The following RAB27A variants were observed in gnomAD, a reference collection of about 807,000 sequenced individuals.
RAB27A encodes ras-related protein Rab-27A.
In RAB27A, 17 loss-of-function variants were observed where a neutral mutation model predicts 20.8. The observed-to-expected ratio is 0.82, with a 90% CI of 0.56 to 1.23. The LOEUF is 1.23. Ranked by LOEUF, RAB27A falls within the 50% of genes most tolerant of loss-of-function variation. The pLI, the probability that RAB27A is intolerant of heterozygous loss-of-function variation, is 0.00. For missense variants in RAB27A, 277 were observed against 266.7 expected, an observed-to-expected ratio of 1.04 and a Z score of -0.27; for synonymous variants, 85 against 92.8, an observed-to-expected ratio of 0.92 and a Z score of 0.48.
chr15:55,298,250 C>T (rs1194855163), intron 2 of RAB27A, among the ~76,000 whole-genome samples: 2 of 151,300 alleles, frequency 1.3e-5, no homozygotes, highest in East Asian at 3.9e-4. Flanking sequence ...ATTGGGGAAC[C>T]TGCCCCGATA....
chr15:55,304,446 C>G (rs1422318195), intron 2 of RAB27A, among the ~76,000 whole-genome samples: 1 of 143,158 alleles, frequency 7.0e-6, no homozygotes, highest in African/African-American at 2.8e-5. Context: ...GAGAAACACC[C>G]AAGAATTATC....
intron 3 of RAB27A, among the ~76,000 whole-genome samples, chr15:55,234,157 C>A (rs528177233): frequency 7.9e-5 from 12 of 152,312 alleles, no homozygotes; most frequent in African/African-American, 2.9e-4. Flanking sequence ...AGAAAGCCAT[C>A]TTTCCTCATC....
intron 2 of RAB27A, among the ~76,000 whole-genome samples, chr15:55,304,855 T>A (rs1420380642): frequency 6.6e-6 from 1 of 151,738 alleles, no homozygotes; most frequent in Non-Finnish European, 1.5e-5. Flanking sequence ...ATATATGGTG[T>A]GTGTGTATTT....
intron 2 of RAB27A, among the ~76,000 whole-genome samples, chr15:55,310,049 C>T (rs2055013670): frequency 1.3e-5 from 2 of 152,018 alleles, no homozygotes; most frequent in South Asian, 4.1e-4. Flanking sequence ...AACGGGTGTT[C>T]CTTCTCCTAT....
chr15:55,203,728 G>A lies in RAB27A; in HGVS notation c.*1779C>T, dbSNP rs1566891073. On this transcript the variant is annotated 3_prime_UTR_variant, in exon 7 of 7. Coordinates refer to ENST00000336787, the MANE Select transcript of RAB27A (RefSeq NM_183235.3). ...TGAGCCACCGCGCCTGGCCAACCCTGCTCTTGAAATGTCTAAATCTTTTCC... is the reference window on the plus strand; with the variant it reads ...TGAGCCACCGCGCCTGGCCAACCCTACTCTTGAAATGTCTAAATCTTTTCC... 6.6e-6 allele frequency: 1 copy of A among 151,650 alleles called. No individual in the cohort carries two copies. Among genetic ancestry groups the A allele is most frequent in the Non-Finnish European group, 1.5e-5 (1 of 67,954 alleles). 9.4% of individuals were successfully genotyped at this position (151,650 alleles called of 1,614,324 possible).
chr15:55,302,695 T>C (rs2054977983), intron 2 of RAB27A, among the ~76,000 whole-genome samples: 1 of 109,158 alleles, frequency 9.2e-6, no homozygotes, highest in East Asian at 3.6e-4. Context: ...CCGCCCATCG[T>C]CTGAGATGTG....
At chr15:55,294,753 A>G (rs186493684), upstream of RAB27A, among the ~76,000 whole-genome samples, 14 of 152,248 alleles carry the variant, frequency 9.2e-5, no homozygotes, top group African/African-American at 2.9e-4. Context: ...ATAGGCATCA[A>G]TCTTTATGAC....
At chr15:55,215,208 C>T (rs1002487877) in intron 6 of RAB27A, among the ~76,000 whole-genome samples, 4 of 152,162 alleles carry the variant, frequency 2.6e-5, no homozygotes, top group Non-Finnish European at 5.9e-5. Flanking sequence ...CCAGAGTCTC[C>T]AGCCTCATTT....
chr15:55,271,322 T>C (rs547395240), intron 1 of RAB27A, among the ~76,000 whole-genome samples: 1 of 152,350 alleles, frequency 6.6e-6, no homozygotes, highest in South Asian at 2.1e-4. Context: ...TCTCAAACTG[T>C]GGTTCCAAGA....
rs1351707401 is a variant in RAB27A, at chr15:55,251,578, C to T, written c.-22-16622G>A. Among the ~76,000 whole-genome samples the T allele has an allele frequency of 6.6e-5, 10 of 152,198 alleles. No individual in the cohort carries two copies. In the East Asian group the frequency reaches 1.7e-3, roughly 26 times the overall value. ...GATTAGTCCTGATGGGCTCAAAAAT[C>T]TATATATGGATGAACCCTCAAAAGT... On this transcript the variant is annotated intron_variant, in intron 2 of 6. Coordinates refer to ENST00000336787, the MANE Select transcript of RAB27A (RefSeq NM_183235.3).
chr15:55,205,789 C>T (rs560685498), intron 6 of RAB27A, 84 bp from the exon 7 acceptor site: 51 of 1,209,406 alleles, frequency 4.2e-5, no homozygotes, highest in African/African-American at 3.6e-4. Flanking sequence ...ATTAGAGAAT[C>T]GATAGAATAC....
intron 5 of RAB27A, among the ~76,000 whole-genome samples, chr15:55,226,869 C>CAAAAAAAAAA (rs574861809): frequency 3.2e-5 from 2 of 63,344 alleles, no homozygotes; most frequent in African/African-American, 5.7e-5. Context: ...AACTCCATCT[C>CAAAAAAAAAA]AAAAAAAAAA....
intron 1 of RAB27A, among the ~76,000 whole-genome samples, chr15:55,274,868 AG>A (rs780879595): frequency 6.8e-6 from 1 of 146,288 alleles, no homozygotes; most frequent in East Asian, 2.0e-4. Flanking sequence ...TCTAAAAAAA[AG>A]AGTAAAAACT....
At chr15:55,289,367 A>T (rs1401148868) in intron 1 of RAB27A, 2 of 152,300 alleles carry the variant, frequency 1.3e-5, no homozygotes, top group Non-Finnish European at 2.9e-5. Flanking sequence ...AGAGGGAGGA[A>T]TGAACCGGGG....
At chr15:55,303,658 T>TGG (rs1166298109) in intron 2 of RAB27A, among the ~76,000 whole-genome samples, 2 of 54,720 alleles carry the variant, frequency 3.7e-5, no homozygotes, top group South Asian at 7.9e-4. Context: ...GGGAGGGAGG[T>TGG]GGGGGGGGTC....
At chr15:55,274,857 G>A (rs1404899314) in intron 1 of RAB27A, among the ~76,000 whole-genome samples, 1 of 128,992 alleles carries the variant, frequency 7.8e-6, no homozygotes, top group African/African-American at 2.8e-5. Flanking sequence ...ACTTTAGCTA[G>A]TCTAAAAAAA....
At chr15:55,209,743 C>T (rs1342588729) in intron 6 of RAB27A, among the ~76,000 whole-genome samples, 1 of 144,016 alleles carries the variant, frequency 6.9e-6, no homozygotes, top group Admixed American at 6.7e-5. Flanking sequence ...TATATATACA[C>T]ATATATATGT....
intron 1 of RAB27A, among the ~76,000 whole-genome samples, chr15:55,283,789 C>A (rs578082194): frequency 6.6e-6 from 1 of 152,124 alleles, no homozygotes; most frequent in African/African-American, 2.4e-5. Context: ...CTGTATGTTT[C>A]ATTTCTCCCC....
intron 1 of RAB27A, among the ~76,000 whole-genome samples, chr15:55,274,794 T>TTATATATATATATATA (rs371945954): frequency 0.13 from 6,555 of 51,158 alleles, 844 homozygotes; most frequent in Non-Finnish European, 0.18. Context: ...AATAAATAAA[T>TTATATATATATATATA]TATATATATA....
Sources: gnomAD v4.1 joint callset for allele counts (sites outside exome capture counted in the v4.1 genomes callset) on GRCh38, gnomAD v4.1.1 for gene constraint, MANE v1.5 for transcripts, NCBI Gene and HGNC (gene_info 2026-07-23, HGNC 2026-07-21) for gene names.